Variants in RBFOX1 observed in about 807,000 individuals in gnomAD.
RBFOX1 encodes RNA binding protein fox-1 homolog 1.
A neutral mutation model predicts 57.7 loss-of-function variants in RBFOX1; 8 were observed. The ratio of observed to expected loss-of-function variants is 0.14; its 90% CI spans 0.08 to 0.25. The LOEUF (loss-of-function observed/expected upper bound fraction) is 0.25. RBFOX1 is among the 10% of genes least tolerant of loss of function. The pLI is 1.00. For synonymous variants in RBFOX1, 326 were observed against 222.4 expected (o/e 1.47, Z -4.15); for missense variants, 611 against 548.5 (o/e 1.11, Z -1.14).
At chr16:5,856,187 C>CTCTCTCTCTCTCTCTATATA (rs1430331422) in intron 3 of RBFOX1, among the ~76,000 whole-genome samples, 2 of 31,064 alleles carry the variant, frequency 6.4e-5, no homozygotes, top group African/African-American at 2.8e-4. Flanking sequence ...CTCTCTCTCT[C>CTCTCTCTCTCTCTCTATATA]TATATATATA....
chr16:6,860,459 C>G (rs193099388), intron 3 of RBFOX1, among the ~76,000 whole-genome samples: 1 of 152,180 alleles, frequency 6.6e-6, no homozygotes, highest in African/African-American at 2.4e-5. Context: ...CTCTACCGTG[C>G]TGCTGATGGA....
At chr16:6,901,999 G>C (rs2068616393) in intron 3 of RBFOX1, among the ~76,000 whole-genome samples, 1 of 151,934 alleles carries the variant, frequency 6.6e-6, no homozygotes, top group Admixed American at 6.6e-5. Context: ...TCAGAACTTT[G>C]CCTGAATGAA....
intron 1 of RBFOX1, among the ~76,000 whole-genome samples, chr16:5,441,350 T>C (rs995010766): frequency 1.2e-4 from 17 of 144,642 alleles, no homozygotes; most frequent in African/African-American, 4.4e-4. Context: ...GGTTAATTTA[T>C]AAAGGAAAGA....
At chr16:7,023,350 C>T (rs1597287489) in intron 3 of RBFOX1, among the ~76,000 whole-genome samples, 1 of 151,394 alleles carries the variant, frequency 6.6e-6, no homozygotes, top group South Asian at 2.1e-4. Context: ...ATCCCAGCTA[C>T]TTGGGAGGCT....
intron 3 of RBFOX1, among the ~76,000 whole-genome samples, chr16:6,957,290 C>T (rs2082072519): frequency 1.3e-5 from 2 of 151,894 alleles, no homozygotes; most frequent in South Asian, 2.1e-4. Context: ...CACCACTGCG[C>T]CAGGCTAATT....
intron 3 of RBFOX1, among the ~76,000 whole-genome samples, chr16:6,899,468 T>A (rs149608001): frequency 2.4e-4 from 36 of 152,342 alleles, no homozygotes; most frequent in African/African-American, 8.4e-4. Flanking sequence ...TTGGTTGGTC[T>A]GTCAAGAGCA....
chr16:6,118,089 C>A (rs911511787), intron 1 of RBFOX1, among the ~76,000 whole-genome samples: 1 of 152,166 alleles, frequency 6.6e-6, no homozygotes, highest in Non-Finnish European at 1.5e-5. Context: ...AGTCTTCACC[C>A]ATCTTCTCTG....
chr16:5,407,483 T>C (rs187279033), intron 1 of RBFOX1, among the ~76,000 whole-genome samples: 7 of 151,954 alleles, frequency 4.6e-5, no homozygotes, highest in Admixed American at 2.6e-4. Flanking sequence ...GTGGACGGAG[T>C]GTGGAGTGCC....
At position 6,898,899 on chromosome 16, in the gene RBFOX1, T is replaced by TG. The variant is rs1567779847; in HGVS notation, c.-15-153158_-15-153157insG. On this transcript the variant is annotated intron_variant, in intron 3 of 15. Transcript: ENST00000550418. ...CACGTGTATAATACGTGTGTGCATC[T>TG]CGTATGTGTTTGTGCATATGTGTAT... 9.3e-5 allele frequency among the ~76,000 whole-genome samples: 9 copies of TG among 96,268 alleles called. No individual in the cohort carries two copies. In the East Asian group the frequency reaches 2.6e-3, roughly 27 times the overall value. 63.2% of individuals were successfully genotyped at this position (96,268 alleles called of 152,430 possible).
Position 6,805,420 on chromosome 16 carries a change from G to GA in RBFOX1, c.-16+150777dup, listed in dbSNP as rs2086519822. Among the ~76,000 whole-genome samples, 3 of 152,028 alleles carry GA rather than the reference G, an allele frequency of 2.0e-5. 1 individual carries two copies. The highest frequency in any genetic ancestry group is 4.1e-4 in the South Asian group (2 of 4,824). On this transcript the variant is annotated intron_variant, in intron 3 of 15. Coordinates refer to ENST00000550418, the MANE Select transcript of RBFOX1 (RefSeq NM_018723.4). ...GAGGGTAGGAGGAGGGAGAAGAGCA[G>GA]AAAAAAATAACTTGGGTACTTGGCT...
At chr16:5,860,232 G>C (rs573016983) in intron 3 of RBFOX1, among the ~76,000 whole-genome samples, 5 of 152,100 alleles carry the variant, frequency 3.3e-5, no homozygotes, top group Non-Finnish European at 4.4e-5. Context: ...ACAGACGCAT[G>C]CCACCATGCC....
chr16:6,526,320 A>G (rs761853362), intron 2 of RBFOX1, among the ~76,000 whole-genome samples: 6 of 152,182 alleles, frequency 3.9e-5, no homozygotes, highest in Admixed American at 6.5e-5. Flanking sequence ...CTTTTGCTAC[A>G]TGGGAGAGGT....
intron 3 of RBFOX1, among the ~76,000 whole-genome samples, chr16:6,686,497 G>C (rs926669704): frequency 6.6e-6 from 1 of 152,172 alleles, no homozygotes; most frequent in African/African-American, 2.4e-5. Context: ...TGTCGTTTAA[G>C]TTCTGTGAAA....
At chr16:6,894,361 C>T (rs574974336) in intron 3 of RBFOX1, among the ~76,000 whole-genome samples, 1 of 152,290 alleles carries the variant, frequency 6.6e-6, no homozygotes, top group South Asian at 2.1e-4. Flanking sequence ...CAGTCAGTCT[C>T]ATGGATGGGT....
At chr16:7,426,386 C>T (rs1714443833) in intron 4 of RBFOX1, among the ~76,000 whole-genome samples, 2 of 152,188 alleles carry the variant, frequency 1.3e-5, no homozygotes, top group Non-Finnish European at 2.9e-5. Flanking sequence ...ACCATGGGCA[C>T]AGGCTGCCGA....
At chr16:5,415,778 A>AAATG (rs903432829) in intron 1 of RBFOX1, among the ~76,000 whole-genome samples, 1 of 152,240 alleles carries the variant, frequency 6.6e-6, no homozygotes, top group Non-Finnish European at 1.5e-5. Context: ...TAAATGTGGT[A>AAATG]TGGATATAGC....
At chr16:6,765,499 C>T (rs1003530770) in intron 3 of RBFOX1, among the ~76,000 whole-genome samples, 2 of 151,566 alleles carry the variant, frequency 1.3e-5, no homozygotes, top group Admixed American at 6.6e-5. Flanking sequence ...TATAACAAAC[C>T]TGCACATGTA....
chr16:6,482,010 T>G (rs2095378860), intron 2 of RBFOX1, among the ~76,000 whole-genome samples: 1 of 152,226 alleles, frequency 6.6e-6, no homozygotes, highest in Non-Finnish European at 1.5e-5. Flanking sequence ...AAAGACACAC[T>G]TGAAATATTG....
rs188681141 is a variant in RBFOX1, at chr16:6,854,729, G to C, written c.-15-197328G>C. 1.3e-4 allele frequency among the ~76,000 whole-genome samples: 20 copies of C among 151,470 alleles called. 1 individual carries two copies. The East Asian group carries it at 3.9e-3, about 30-fold the overall frequency. On this transcript the variant is annotated intron_variant, in intron 3 of 15. Coordinates refer to ENST00000550418, the MANE Select transcript of RBFOX1 (RefSeq NM_018723.4). ...CCTGCGTCAGCCTCCCGAGTAGCTG[G>C]AACTACAGGCGCCTGCCATTGCGCC...
Sources: allele counts gnomAD v4.1 joint callset (sites outside exome capture counted in the v4.1 genomes callset), GRCh38; gene constraint gnomAD v4.1.1; transcripts MANE v1.5; gene names NCBI Gene and HGNC (gene_info 2026-07-23, HGNC 2026-07-21).